Variants in BMAL1 observed in about 807,000 individuals in gnomAD.
BMAL1 encodes basic helix-loop-helix ARNT like 1, also known as basic helix-loop-helix ARNT-like protein 1.
At chr11:13,356,948 G>T in the BMAL1 span, 5 of 1,591,142 alleles carry the variant, frequency 3.1e-6, no homozygotes, top group Non-Finnish European at 4.3e-6. Flanking sequence ...CCCCTTGTGT[G>T]TCTGCAGAGA....
the BMAL1 span, among the ~76,000 whole-genome samples, chr11:13,327,234 G>GGA: frequency 9.5e-6 from 1 of 104,954 alleles, no homozygotes; most frequent in Non-Finnish European, 2.4e-5. Flanking sequence ...TCTCTTTTAT[G>GGA]AAAAAAAAAA....
At chr11:13,281,709 C>T in the BMAL1 span, among the ~76,000 whole-genome samples, 2 of 152,106 alleles carry the variant, frequency 1.3e-5, no homozygotes, top group Non-Finnish European at 2.9e-5. Context: ...GGAGTTTTGC[C>T]ATGTTGCCCA....
chr11:13,356,883 T>G, the BMAL1 span: 1 of 1,599,460 alleles, frequency 6.3e-7, no homozygotes, highest in Non-Finnish European at 8.5e-7. Context: ...CAACTGGAGA[T>G]GAGCAAGGAG....
chr11:13,307,283 A>G, the BMAL1 span, among the ~76,000 whole-genome samples: 1 of 152,228 alleles, frequency 6.6e-6, no homozygotes, highest in African/African-American at 2.4e-5. Flanking sequence ...TTTTATTAAA[A>G]TCATTCTGGA....
At chr11:13,372,355 T>C in the BMAL1 span, 6 of 1,614,148 alleles carry the variant, frequency 3.7e-6, no homozygotes, top group Non-Finnish European at 4.2e-6. Flanking sequence ...GTGAAATCTA[T>C]GGAATATGTT....
At chr11:13,292,555 A>ATAAAAT in the BMAL1 span, among the ~76,000 whole-genome samples, 1 of 151,230 alleles carries the variant, frequency 6.6e-6, no homozygotes, top group Non-Finnish European at 1.5e-5. Context: ...TCAAAAAAAA[A>ATAAAAT]AAAATAAAAT....
chr11:13,371,343 C>T, the BMAL1 span, among the ~76,000 whole-genome samples: 4 of 152,224 alleles, frequency 2.6e-5, no homozygotes, highest in South Asian at 8.3e-4. Flanking sequence ...AAGTTAGAGT[C>T]ATCTTCATTT....
At chr11:13,369,360 A>G in the BMAL1 span, among the ~76,000 whole-genome samples, 4 of 152,152 alleles carry the variant, frequency 2.6e-5, no homozygotes, top group Non-Finnish European at 5.9e-5. Flanking sequence ...CAAGAACCCC[A>G]TACTATATTT....
chr11:13,307,443 A>G, the BMAL1 span, among the ~76,000 whole-genome samples: 14 of 152,200 alleles, frequency 9.2e-5, no homozygotes, highest in Non-Finnish European at 1.6e-4. Context: ...TAGCGACAGC[A>G]TCAGTGAGGT....
At chr11:13,385,127 T>G in the BMAL1 span, among the ~76,000 whole-genome samples, 1 of 151,884 alleles carries the variant, frequency 6.6e-6, no homozygotes, top group African/African-American at 2.4e-5. Context: ...CTGGGGTGAG[T>G]GGGGGAGATT....
chr11:13,322,506 ATAATTTCTTT>A, the BMAL1 span, among the ~76,000 whole-genome samples: 2 of 152,156 alleles, frequency 1.3e-5, no homozygotes, highest in Non-Finnish European at 2.9e-5. Context: ...TTGCATTTAT[ATAATTTCTTT>A]TGCATTTCTT....
chr11:13,321,236 T>C, the BMAL1 span, among the ~76,000 whole-genome samples: 2 of 152,198 alleles, frequency 1.3e-5, no homozygotes, highest in African/African-American at 4.8e-5. Context: ...CTGGGGTTTT[T>C]TTTGCATTCC....
chr11:13,295,454 G>A, the BMAL1 span, among the ~76,000 whole-genome samples: 1 of 152,174 alleles, frequency 6.6e-6, no homozygotes, highest in South Asian at 2.1e-4. Flanking sequence ...CCAGAGTTGG[G>A]ATAGGAACCT....
chr11:13,280,311 A>G, the BMAL1 span, among the ~76,000 whole-genome samples: 4 of 152,386 alleles, frequency 2.6e-5, no homozygotes, highest in South Asian at 8.3e-4. Flanking sequence ...GGAAGTGGCC[A>G]TGTTTTCAGA....
the BMAL1 span, among the ~76,000 whole-genome samples, chr11:13,293,632 G>A: frequency 6.6e-6 from 1 of 152,368 alleles, no homozygotes; most frequent in South Asian, 2.1e-4. Flanking sequence ...AGGCAGAAAG[G>A]TTCTGCTCTC....
chr11:13,355,233 G>A, the BMAL1 span: 3 of 1,613,488 alleles, frequency 1.9e-6, no homozygotes, highest in Non-Finnish European at 2.5e-6. Flanking sequence ...AAGTTCACAG[G>A]TCGAATTTGG....
the BMAL1 span, among the ~76,000 whole-genome samples, chr11:13,342,171 C>G: frequency 6.6e-6 from 1 of 152,198 alleles, no homozygotes; most frequent in Admixed American, 6.5e-5. Context: ...TGGGGGAAAA[C>G]TCTTGCAAAA....
chr11:13,339,161 G>A, the BMAL1 span, among the ~76,000 whole-genome samples: 453 of 152,318 alleles, frequency 3.0e-3, 3 homozygotes, highest in African/African-American at 0.011. Context: ...TGTCTAGACC[G>A]TCAGGAAACC....
the BMAL1 span, among the ~76,000 whole-genome samples, chr11:13,345,462 C>T: frequency 6.6e-6 from 1 of 152,220 alleles, no homozygotes; most frequent in Non-Finnish European, 1.5e-5. Flanking sequence ...TGCTCAGTTC[C>T]TGTAGCTTTC....
Sources: allele counts gnomAD v4.1 joint callset (sites outside exome capture counted in the v4.1 genomes callset), GRCh38; gene constraint gnomAD v4.1.1; transcripts MANE v1.5; gene names NCBI Gene and HGNC (gene_info 2026-07-23, HGNC 2026-07-21).